Variants in MPDZ observed in about 807,000 individuals in gnomAD.
The protein encoded by MPDZ is multiple PDZ domain crumbs cell polarity complex component.
MPDZ carries 234 observed loss-of-function variants against 239.1 expected under a neutral mutation model. That is an observed-to-expected ratio of 0.98 (90% CI 0.88 to 1.09). The LOEUF is 1.09. Among genes scored for constraint, MPDZ ranks in the 50% least tolerant of loss-of-function variants. The pLI, the probability that MPDZ is intolerant of heterozygous loss-of-function variation, is 0.00. For synonymous variants in MPDZ, 1,048 were observed against 881.3 expected (o/e 1.19, Z -3.35); for missense variants, 3,175 against 2,510.0 (o/e 1.26, Z -5.66).
Position 13,236,245 on chromosome 9 carries a change from G to A in MPDZ, c.183+11390C>T, listed in dbSNP as rs1420237298. Among the ~76,000 whole-genome samples the A allele has an allele frequency of 3.1e-3, 42 of 13,470 alleles. 1 individual carries two copies. Among genetic ancestry groups the A allele is most frequent in the African/African-American group, 6.3e-3 (34 of 5,402 alleles). 8.8% of individuals were successfully genotyped at this position (13,470 alleles called of 152,430 possible). A position where few individuals can be genotyped will look rare whatever the true frequency, so the allele number is the denominator to read the frequency against. The stretch of plus-strand genomic sequence containing the variant: ...TGTGTGTATATGTATATGTGTGTGT[G>A]TGTGTATATATATATATATATATTT... On this transcript the variant is annotated intron_variant, in intron 3 of 46. Coordinates refer to ENST00000319217, the MANE Select transcript of MPDZ (RefSeq NM_001378778.1).
At position 13,147,539 on chromosome 9, in the gene MPDZ, T is replaced by A; in HGVS notation, c.3741+9A>T. 1 of 1,606,630 alleles carries A rather than the reference T, an allele frequency of 6.2e-7. No individual in the cohort carries two copies. Among genetic ancestry groups the A allele is most frequent in the Non-Finnish European group, 8.5e-7 (1 of 1,173,832 alleles). ...GGATATGCCTACCTTGCCCTTTGTG[T>A]TCGCTTACCCTTGGTCTGTTTATAA... On this transcript the variant is annotated intron_variant, in intron 26 of 46. Coordinates refer to ENST00000319217, the MANE Select transcript of MPDZ (RefSeq NM_001378778.1).
At chr9:13,273,454 C>T (rs181440858) in intron 1 of MPDZ, among the ~76,000 whole-genome samples, 2 of 152,208 alleles carry the variant, frequency 1.3e-5, no homozygotes, top group African/African-American at 2.4e-5. Context: ...CACCTGAGTA[C>T]ACAATATAAA....
intron 3 of MPDZ, among the ~76,000 whole-genome samples, chr9:13,246,295 A>T (rs2137677711): frequency 6.6e-6 from 1 of 152,268 alleles, no homozygotes; most frequent in Non-Finnish European, 1.5e-5. Context: ...TACAAAAATT[A>T]GCTGGGCGTG....
chr9:13,211,080 T>A (rs1293401298), intron 10 of MPDZ, among the ~76,000 whole-genome samples: 1 of 152,136 alleles, frequency 6.6e-6, no homozygotes, highest in Non-Finnish European at 1.5e-5. Flanking sequence ...AAGCCATCAG[T>A]TCATAGCGGG....
chr9:13,230,210 T>G (rs959851637), intron 3 of MPDZ, among the ~76,000 whole-genome samples: 25 of 152,128 alleles, frequency 1.6e-4, no homozygotes, highest in African/African-American at 6.0e-4. Flanking sequence ...GGTGGAAATG[T>G]AAAATGGTAC....
chr9:13,198,779 GTGTGTT>G (rs1956013963), intron 12 of MPDZ, among the ~76,000 whole-genome samples: 2 of 148,654 alleles, frequency 1.3e-5, no homozygotes, highest in African/African-American at 5.0e-5. Flanking sequence ...GTGTGTGTGT[GTGTGTT>G]TTAGGACAGG....
At chr9:13,113,587 A>C (rs547752362) in intron 41 of MPDZ, among the ~76,000 whole-genome samples, 1 of 152,204 alleles carries the variant, frequency 6.6e-6, no homozygotes, top group Non-Finnish European at 1.5e-5. Flanking sequence ...TGCAATCTTC[A>C]TGGAAAAAGA....
chr9:13,210,735 T>C lies in MPDZ; in HGVS notation c.1291-4636A>G, dbSNP rs971599887. ...ATGATGGGACTCAAAAGAGACAATC[T>C]ATGAAACAGACTGCTGAGAAATCAG... On this transcript the variant is annotated intron_variant, in intron 10 of 46. Coordinates refer to ENST00000319217, the MANE Select transcript of MPDZ (RefSeq NM_001378778.1). Among the ~76,000 whole-genome samples, 3 of 152,178 alleles carry C rather than the reference T, an allele frequency of 2.0e-5. No homozygotes were observed. The South Asian group carries it at 6.2e-4, about 32-fold the overall frequency.
chr9:13,157,132 T>C (rs1407978157), intron 24 of MPDZ, among the ~76,000 whole-genome samples: 1 of 152,196 alleles, frequency 6.6e-6, no homozygotes, highest in East Asian at 1.9e-4. Flanking sequence ...CATTTACGAA[T>C]ATTACAAATT....
chr9:13,119,852 A>G, intron 38 of MPDZ: 1 of 590,168 alleles, frequency 1.7e-6, no homozygotes. Flanking sequence ...TTCATAGATT[A>G]AAATGATCTC....
chr9:13,109,906 A>T (rs768730772), intron 45 of MPDZ, 46 bp downstream of exon 45: 2 of 1,474,330 alleles, frequency 1.4e-6, no homozygotes, highest in South Asian at 2.3e-5. Context: ...GGAAGACTTG[A>T]TTCATAAGTG....
At chr9:13,196,530 A>C (rs755302620) in intron 12 of MPDZ, among the ~76,000 whole-genome samples, 2 of 152,126 alleles carry the variant, frequency 1.3e-5, no homozygotes, top group Non-Finnish European at 2.9e-5. Context: ...TCCAGAATTC[A>C]CTTCATAGTC....
At position 13,143,450 on chromosome 9, in the gene MPDZ, A is replaced by T. The variant is rs1358934256; in HGVS notation, c.3840+16T>A. 9 of 1,590,204 alleles carry T rather than the reference A, an allele frequency of 5.7e-6. No homozygotes were observed. Among genetic ancestry groups the T allele is most frequent in the Non-Finnish European group, 6.9e-6 (8 of 1,158,788 alleles). ...GCAAAAGGCAACCAACAGCAAGACA[A>T]TGGGCATTATCCAACCTTGTCGGCG... On this transcript the variant is annotated intron_variant, in intron 27 of 46. Transcript: ENST00000319217.
In MPDZ at chr9:13,142,986, C is replaced by T. The variant is rs187466200; in HGVS notation, c.3840+480G>A. 2.2e-3 allele frequency among the ~76,000 whole-genome samples: 335 copies of T among 152,200 alleles called. 2 individuals are homozygous for T. Among genetic ancestry groups the T allele is most frequent in the Admixed American group, 0.015 (228 of 15,242 alleles). Reference sequence around the variant, plus strand: ...TTACGTTTCCTGATTCAGGCAATTACATGGGCATGCTTCATGAATATTCAA... The same window carrying T: ...TTACGTTTCCTGATTCAGGCAATTATATGGGCATGCTTCATGAATATTCAA... On this transcript the variant is annotated intron_variant, in intron 27 of 46. Transcript: ENST00000319217.
At chr9:13,154,486 A>C (rs1949585250) in intron 24 of MPDZ, among the ~76,000 whole-genome samples, 1 of 152,162 alleles carries the variant, frequency 6.6e-6, no homozygotes, top group South Asian at 2.1e-4. Flanking sequence ...CTTAATGATT[A>C]TGTGACACAG....
chr9:13,200,778 T>C (rs1446859726), intron 12 of MPDZ, among the ~76,000 whole-genome samples: 1 of 152,130 alleles, frequency 6.6e-6, no homozygotes, highest in African/African-American at 2.4e-5. Context: ...GAAAAGATAC[T>C]TGATATGATT....
intron 24 of MPDZ, among the ~76,000 whole-genome samples, chr9:13,156,341 C>T (rs1015883253): frequency 6.6e-6 from 1 of 152,134 alleles, no homozygotes; most frequent in African/African-American, 2.4e-5. Flanking sequence ...TTTCATGCTG[C>T]TGATAAAGAA....
At chr9:13,250,143 G>C (rs1967547478) in intron 2 of MPDZ, among the ~76,000 whole-genome samples, 157 bp downstream of exon 2, 1 of 152,136 alleles carries the variant, frequency 6.6e-6, no homozygotes, top group Non-Finnish European at 1.5e-5. Flanking sequence ...TCCAAATACA[G>C]AAACATATTA....
chr9:13,123,155 G>A lies in MPDZ; in HGVS notation c.4951C>T (p.Leu1651=). ...LSIVGGSDTL[L]GAIIIHEVYE... is the part of the protein sequence containing the mutation. Reference sequence around the variant, plus strand: ...AAGCACCTCTGGGTGGTGCTCACCAGCAGCGTGTCTGAACCCCCAACGATG... The same window carrying A: ...AAGCACCTCTGGGTGGTGCTCACCAACAGCGTGTCTGAACCCCCAACGATG... The change falls in exon 36 of 47, where the codon CTG becomes TTG. Residue 1651 remains leucine, a splice_region_variant and synonymous_variant. Coordinates refer to ENST00000319217, the MANE Select transcript of MPDZ (RefSeq NM_001378778.1). The A allele has an allele frequency of 6.2e-7, 1 of 1,611,750 alleles. No homozygotes were observed. Among genetic ancestry groups the A allele is most frequent in the East Asian group, 2.2e-5 (1 of 44,844 alleles).
Sources: gnomAD v4.1 joint callset for allele counts (sites outside exome capture counted in the v4.1 genomes callset) on GRCh38, gnomAD v4.1.1 for gene constraint, MANE v1.5 for transcripts, NCBI Gene and HGNC (gene_info 2026-07-23, HGNC 2026-07-21) for gene names.